PKD2L1: variants seen among roughly 807,000 people sequenced by gnomAD.
The protein encoded by PKD2L1 is polycystin 2 like 1, transient receptor potential cation channel, also known as polycystin-2-like protein 1.
Under a neutral mutation model 93.0 loss-of-function variants are expected in PKD2L1, and 77 were observed. The observed-to-expected ratio is 0.83, with a 90% CI of 0.69 to 1.00. The LOEUF is 1.00. Among genes scored for constraint, PKD2L1 ranks in the 50% least tolerant of loss-of-function variants. The pLI is 0.00. For synonymous variants in PKD2L1, 390 were observed against 388.0 expected, an observed-to-expected ratio of 1.01 and a Z score of -0.06; for missense variants, 977 against 990.9, an observed-to-expected ratio of 0.99 and a Z score of 0.19.
At chr10:100,295,528 T>C (rs1848510611) in intron 7 of PKD2L1, among the ~76,000 whole-genome samples, 1 of 151,026 alleles carries the variant, frequency 6.6e-6, no homozygotes, top group African/African-American at 2.4e-5. Context: ...GGTCAGGAGT[T>C]CGAGACCAGC....
Position 100,329,860 on chromosome 10 carries a change from A to C in PKD2L1, c.235+9T>G. On this transcript the variant is annotated intron_variant, in intron 1 of 15. Coordinates refer to ENST00000318222, the MANE Select transcript of PKD2L1 (RefSeq NM_016112.3). ...AATATCCCAGGAGAACTGTCCCCCT[A>C]TCTGGTACCTCTGATGCCTTGACAG... is the stretch of plus-strand genomic sequence containing the variant. 1 of 1,564,228 alleles carries C rather than the reference A, an allele frequency of 6.4e-7. No individual in the cohort carries two copies. The highest frequency in any genetic ancestry group is 8.8e-7 in the Non-Finnish European group (1 of 1,139,708).
intron 2 of PKD2L1, among the ~76,000 whole-genome samples, chr10:100,328,751 G>C (rs1849434723): frequency 6.6e-6 from 1 of 152,112 alleles, no homozygotes; most frequent in Admixed American, 6.5e-5. Context: ...CTGCCACCCA[G>C]CTAATTTTTG....
At chr10:100,311,728 T>TG (rs1395687649) in intron 2 of PKD2L1, among the ~76,000 whole-genome samples, 1 of 152,204 alleles carries the variant, frequency 6.6e-6, no homozygotes, top group Non-Finnish European at 1.5e-5. Context: ...ACACTCTCCC[T>TG]GGGAAGGAAT....
intron 2 of PKD2L1, among the ~76,000 whole-genome samples, chr10:100,311,126 C>G (rs1301297053): frequency 2.6e-5 from 4 of 152,186 alleles, no homozygotes; most frequent in Non-Finnish European, 5.9e-5. Context: ...GAGTTAGCAC[C>G]TCCCTATTAA....
In PKD2L1 at chr10:100,289,046, G is replaced by T. The variant is rs1465623738; in HGVS notation, c.2261C>A (p.Ala754Asp). The T allele has an allele frequency of 1.2e-6, 2 of 1,611,436 alleles. No homozygotes were observed. The highest frequency in any genetic ancestry group is 1.7e-6 in the Non-Finnish European group (2 of 1,178,156). The change falls in exon 15 of 16, where the codon GCT (alanine) becomes GAT (aspartate). Residue 754 changes from alanine to aspartate, a missense_variant. By Grantham distance (126) the Ala-to-Asp change is moderately radical. Coordinates refer to ENST00000318222, the MANE Select transcript of PKD2L1 (RefSeq NM_016112.3). The part of the protein sequence containing the change: ...LAPSPGVKEQ[A>D]IWKHPQPAPA... ...GGCTGGCTGCGGGTGCTTCCAAATA[G>T]CTTGTTCCTTCTGTTGGAAGAAGAA...
chr10:100,288,967 C>G lies in PKD2L1; in HGVS notation c.2335+5G>C. ...CTGTCTGATGCTTTAGGCCCCCTTC[C>G]TCACCACTCTCCTGCCCACCCTGGA... On this transcript the variant is annotated splice_donor_5th_base_variant and intron_variant, in intron 15 of 15. Coordinates refer to ENST00000318222, the MANE Select transcript of PKD2L1 (RefSeq NM_016112.3). 6.3e-7 allele frequency: 1 copy of G among 1,586,232 alleles called. No homozygotes were observed. The highest frequency in any genetic ancestry group is 8.6e-7 in the Non-Finnish European group (1 of 1,162,966).
At chr10:100,318,897 G>A (rs1216900234) in intron 2 of PKD2L1, among the ~76,000 whole-genome samples, 1 of 148,594 alleles carries the variant, frequency 6.7e-6, no homozygotes, top group African/African-American at 2.5e-5. Context: ...CCCAGGCTGA[G>A]TACAGTGGCG....
chr10:100,311,705 G>C lies in PKD2L1; in HGVS notation c.350-11987C>G, dbSNP rs1271099250. Among the ~76,000 whole-genome samples, 3 of 152,102 alleles carry C rather than the reference G, an allele frequency of 2.0e-5. No homozygotes were observed. The East Asian group carries it at 5.8e-4, about 29-fold the overall frequency. ...ATGTGATATGTGATGGAACACAGTT[G>C]TCCTTTCCAACAACACTCTCCCTGG... On this transcript the variant is annotated intron_variant, in intron 2 of 15. Transcript: ENST00000318222.
intron 2 of PKD2L1, among the ~76,000 whole-genome samples, chr10:100,309,317 A>C (rs11190470): frequency 0.17 from 25,701 of 152,120 alleles, 2,547 homozygotes; most frequent in African/African-American, 0.28. Flanking sequence ...CCAGTGGTTT[A>C]ATAGCTGGAT....
intron 2 of PKD2L1, among the ~76,000 whole-genome samples, chr10:100,324,535 C>A (rs942869672): frequency 1.3e-5 from 2 of 152,150 alleles, no homozygotes; most frequent in East Asian, 1.9e-4. Flanking sequence ...CAGTATGTAA[C>A]CTTTTCAGAT....
At chr10:100,293,403 G>A in intron 9 of PKD2L1, 24 bp from the exon 10 acceptor site, 15 of 1,462,464 alleles carry the variant, frequency 1.0e-5, no homozygotes, top group Non-Finnish European at 1.4e-5. Context: ...TGGGGACCTG[G>A]GTCCTCACCC....
At chr10:100,303,634 T>G (rs1334599027) in intron 2 of PKD2L1, among the ~76,000 whole-genome samples, 1 of 152,222 alleles carries the variant, frequency 6.6e-6, no homozygotes, top group Non-Finnish European at 1.5e-5. Context: ...TTATACTTTT[T>G]CAGGGGGAAA....
chr10:100,311,414 AT>A (rs1271989732), intron 2 of PKD2L1, among the ~76,000 whole-genome samples: 3 of 152,214 alleles, frequency 2.0e-5, no homozygotes, highest in Non-Finnish European at 4.4e-5. Context: ...GCATAAATGT[AT>A]TGTTATTGAA....
intron 14 of PKD2L1, 82 bp downstream of exon 14, chr10:100,289,933 G>A: frequency 6.6e-7 from 1 of 1,508,856 alleles, no homozygotes; most frequent in Non-Finnish European, 9.2e-7. Context: ...TTTCAAAAAT[G>A]TTCTTGCCCC....
intron 2 of PKD2L1, among the ~76,000 whole-genome samples, chr10:100,326,712 C>T (rs188269222): frequency 6.6e-6 from 1 of 152,194 alleles, no homozygotes; most frequent in Non-Finnish European, 1.5e-5. Context: ...TATTATCTCA[C>T]ATAATCCTAT....
At chr10:100,309,436 T>TA (rs1848882125) in intron 2 of PKD2L1, among the ~76,000 whole-genome samples, 1 of 152,230 alleles carries the variant, frequency 6.6e-6, no homozygotes, top group South Asian at 2.1e-4. Context: ...TTCCAAGTTA[T>TA]AGGCTGAAGT....
At chr10:100,293,168 T>G in intron 10 of PKD2L1, 99 bp from the exon 11 acceptor site, 4 of 1,582,902 alleles carry the variant, frequency 2.5e-6, no homozygotes, top group Non-Finnish European at 3.5e-6. Flanking sequence ...AAGGATAAAT[T>G]TAAAGGCACA....
At chr10:100,309,818 A>G (rs1176443883) in intron 2 of PKD2L1, among the ~76,000 whole-genome samples, 1 of 152,186 alleles carries the variant, frequency 6.6e-6, no homozygotes, top group Non-Finnish European at 1.5e-5. Context: ...CCCTGGCAAA[A>G]CTGAGTAACA....
chr10:100,302,249 A>ACACG (rs1841344354), intron 2 of PKD2L1, among the ~76,000 whole-genome samples: 1 of 60,946 alleles, frequency 1.6e-5, no homozygotes, highest in Non-Finnish European at 3.6e-5. Flanking sequence ...ACACACACAC[A>ACACG]CACGCATACA....
Sources: gnomAD v4.1 joint callset for allele counts (sites outside exome capture counted in the v4.1 genomes callset) on GRCh38, gnomAD v4.1.1 for gene constraint, MANE v1.5 for transcripts, NCBI Gene and HGNC (gene_info 2026-07-23, HGNC 2026-07-21) for gene names.